CHST13: variants seen among roughly 807,000 people sequenced by gnomAD.
The protein encoded by CHST13 is carbohydrate sulfotransferase 13.
In CHST13, 1 loss-of-function variant was observed where a neutral mutation model predicts 7.0. That is an observed-to-expected ratio of 0.14 (90% CI 0.05 to 0.68). CHST13 has a LOEUF of 0.68. Ranked by LOEUF, CHST13 falls within the 30% of genes least tolerant of loss-of-function variation. CHST13 has a pLI of 0.82. For missense variants in CHST13, 572 were observed against 507.9 expected (o/e 1.13, Z -1.21); for synonymous variants, 257 against 240.9 (o/e 1.07, Z -0.62).
intron 1 of CHST13, among the ~76,000 whole-genome samples, chr3:126,535,149 CCCAGCCGGGAGACAGACAGCA>C (rs1936750282): frequency 6.9e-6 from 1 of 145,982 alleles, no homozygotes. Context: ...CATCCCTGTC[CCCAGCCGGGAGACAGACAGCA>C]TCCCTGTCCC....
In CHST13 at chr3:126,543,206, T is replaced by G. The variant is rs1937010048; in HGVS notation, c.*628T>G. 6.6e-6 allele frequency: 1 copy of G among 152,300 alleles called. No individual in the cohort carries two copies. The highest frequency in any genetic ancestry group is 1.5e-5 in the Non-Finnish European group (1 of 68,066). 9.4% of individuals were successfully genotyped at this position (152,300 alleles called of 1,614,324 possible). On this transcript the variant is annotated 3_prime_UTR_variant, in exon 3 of 3. Transcript: ENST00000319340. ...TCAGGCTCCATGCCAACAGAGCCCC[T>G]GGTGCAATGCGGTCACAGGTTTTAT...
At position 126,542,625 on chromosome 3, in the gene CHST13, A is replaced by G. The variant is rs1936992882; in HGVS notation, c.*47A>G. On this transcript the variant is annotated 3_prime_UTR_variant, in exon 3 of 3. Coordinates refer to ENST00000319340, the MANE Select transcript of CHST13 (RefSeq NM_152889.3). ...CACGCGGGGCAAGTGCCTTTCCGAC[A>G]AGACCCCCGGGGAATGCAGGTGCTG... The G allele has an allele frequency of 7.0e-7, 1 of 1,424,916 alleles. No homozygotes were observed. The highest frequency in any genetic ancestry group is 9.2e-7 in the Non-Finnish European group (1 of 1,089,534). 88.3% of individuals were successfully genotyped at this position (1,424,916 alleles called of 1,614,324 possible). A position where few individuals can be genotyped will look rare whatever the true frequency, so the allele number is the denominator to read the frequency against.
At chr3:126,532,001 T>C (rs1335061323) in intron 1 of CHST13, among the ~76,000 whole-genome samples, 3 of 152,222 alleles carry the variant, frequency 2.0e-5, no homozygotes, top group African/African-American at 7.2e-5. Flanking sequence ...ATGGTGTTGA[T>C]TTCTATTTCA....
Position 126,542,358 on chromosome 3 carries a change from C to T in CHST13, c.806C>T (p.Thr269Met), listed in dbSNP as rs1439510963. Reference sequence around the variant, plus strand: ...TACGACGTCGTGGGCAAGTTCGAGACGCTGGCGGAGGACGCGGCCTTCGTG... The same window carrying T: ...TACGACGTCGTGGGCAAGTTCGAGATGCTGGCGGAGGACGCGGCCTTCGTG... ...LRYDVVGKFE[T>M]LAEDAAFVLG... Residue 269 changes from threonine to methionine, a missense_variant, in exon 3 of 3, where the codon ACG (threonine) becomes ATG (methionine). Transcript: ENST00000319340. 5.7e-6 allele frequency: 9 copies of T among 1,566,130 alleles called. No individual in the cohort carries two copies. Among genetic ancestry groups the T allele is most frequent in the South Asian group, 1.2e-5 (1 of 85,748 alleles).
At chr3:126,532,564 T>C (rs1276358164) in intron 1 of CHST13, among the ~76,000 whole-genome samples, 1 of 152,230 alleles carries the variant, frequency 6.6e-6, no homozygotes, top group Non-Finnish European at 1.5e-5. Flanking sequence ...CCCTCATCAA[T>C]AATCAACTGA....
At chr3:126,533,215 C>G (rs1936694716) in intron 1 of CHST13, among the ~76,000 whole-genome samples, 1 of 152,040 alleles carries the variant, frequency 6.6e-6, no homozygotes, top group South Asian at 2.1e-4. Context: ...AACCTGGATG[C>G]CTTTTATTTA....
At chr3:126,535,004 A>G (rs1259957110) in intron 1 of CHST13, among the ~76,000 whole-genome samples, 1 of 144,230 alleles carries the variant, frequency 6.9e-6, no homozygotes, top group Non-Finnish European at 1.5e-5. Context: ...AGACAGACAG[A>G]CAGCATCCCT....
At chr3:126,527,586 A>G (rs1049421988) in intron 1 of CHST13, 2 of 152,358 alleles carry the variant, frequency 1.3e-5, no homozygotes, top group African/African-American at 4.8e-5. Flanking sequence ...AAGGGCTGGG[A>G]GGCTGTGATT....
At chr3:126,537,556 A>G (rs555704309) in intron 2 of CHST13, among the ~76,000 whole-genome samples, 18 of 152,232 alleles carry the variant, frequency 1.2e-4, no homozygotes, top group African/African-American at 4.1e-4. Context: ...GCAGGTAGGG[A>G]GGCCTTCCTT....
In CHST13 at chr3:126,524,211, T is replaced by C. The variant is rs1936488978; in HGVS notation, c.-122T>C. The C allele has an allele frequency of 2.7e-6, 2 of 737,046 alleles. No homozygotes were observed. Among genetic ancestry groups the C allele is most frequent in the African/African-American group, 1.9e-5 (1 of 53,994 alleles). 45.7% of individuals were successfully genotyped at this position (737,046 alleles called of 1,614,324 possible). Reference sequence around the variant, plus strand: ...CTGGGGTCCAGCTGCCGTGCTCCCCTGCCCTGCGCCGCGCCGCGCGTCTTG... The same window carrying C: ...CTGGGGTCCAGCTGCCGTGCTCCCCCGCCCTGCGCCGCGCCGCGCGTCTTG... On this transcript the variant is annotated 5_prime_UTR_variant, in exon 1 of 3. Transcript: ENST00000319340.
At chr3:126,538,861 A>C (rs1936859059) in intron 2 of CHST13, among the ~76,000 whole-genome samples, 1 of 152,156 alleles carries the variant, frequency 6.6e-6, no homozygotes, top group South Asian at 2.1e-4. Context: ...CTGTTTCTCA[A>C]AATGGTGAGA....
intron 1 of CHST13, among the ~76,000 whole-genome samples, chr3:126,535,084 C>T (rs535747604): frequency 1.4e-5 from 2 of 146,096 alleles, no homozygotes; most frequent in African/African-American, 5.1e-5. Context: ...TCCCTGTCCC[C>T]AGCCGGGAGA....
At chr3:126,537,250 C>T (rs1015669730) in intron 2 of CHST13, among the ~76,000 whole-genome samples, 5 of 152,160 alleles carry the variant, frequency 3.3e-5, no homozygotes, top group African/African-American at 9.7e-5. Flanking sequence ...AAGGGCCAAG[C>T]GCCACAGGCA....
At chr3:126,536,162 A>C in intron 1 of CHST13, 109 bp from the exon 2 acceptor site, 5 of 837,894 alleles carry the variant, frequency 6.0e-6, no homozygotes, top group East Asian at 2.5e-5. Context: ...CCGGGAAGGA[A>C]ATTGAGTGCC....
rs768812040 is a variant in CHST13, at chr3:126,542,011, C to T, written c.459C>T (p.Ala153=). 5.1e-6 allele frequency: 8 copies of T among 1,561,620 alleles called. No individual in the cohort carries two copies. The highest frequency in any genetic ancestry group is 6.0e-6 in the Non-Finnish European group (7 of 1,158,598). ...AHAPGRLPSL[A]DFSPAEINRR... is the part of the protein sequence containing the mutation. ...CGCCTGGCCGCCTGCCCTCACTGGC[C>T]GACTTCAGCCCCGCCGAGATCAACC... The change falls in exon 3 of 3, where the codon GCC becomes GCT. Residue 153 remains alanine (A), a synonymous_variant. Coordinates refer to ENST00000319340, the MANE Select transcript of CHST13 (RefSeq NM_152889.3).
At position 126,524,288 on chromosome 3, in the gene CHST13, C is replaced by T; in HGVS notation, c.-45C>T. Reference sequence around the variant, plus strand: ...TCCTGGGCCAGTGCAACTCCGCCCCCAGCCGTATCCAGCGGACTGTCCTCC... The same window carrying T: ...TCCTGGGCCAGTGCAACTCCGCCCCTAGCCGTATCCAGCGGACTGTCCTCC... On this transcript the variant is annotated 5_prime_UTR_variant, in exon 1 of 3. Transcript: ENST00000319340. 2 of 1,217,898 alleles carry T rather than the reference C, an allele frequency of 1.6e-6. No individual in the cohort carries two copies. Among genetic ancestry groups the T allele is most frequent in the Non-Finnish European group, 2.0e-6 (2 of 977,682 alleles). 75.4% of individuals were successfully genotyped at this position (1,217,898 alleles called of 1,614,324 possible). A position where few individuals can be genotyped will look rare whatever the true frequency, so the allele number is the denominator to read the frequency against.
chr3:126,528,169 G>A (rs997307536), intron 1 of CHST13, among the ~76,000 whole-genome samples: 2 of 151,822 alleles, frequency 1.3e-5, no homozygotes, highest in Admixed American at 6.6e-5. Flanking sequence ...AGAGAGAATG[G>A]TGGGATGGAA....
Position 126,542,727 on chromosome 3 carries a change from T to A in CHST13, c.*149T>A. The A allele has an allele frequency of 8.2e-7, 1 of 1,221,342 alleles. No homozygotes were observed. The highest frequency in any genetic ancestry group is 2.1e-5 in the South Asian group (1 of 46,880). 75.7% of individuals were successfully genotyped at this position (1,221,342 alleles called of 1,614,324 possible). A position where few individuals can be genotyped will look rare whatever the true frequency, so the allele number is the denominator to read the frequency against. On this transcript the variant is annotated 3_prime_UTR_variant, in exon 3 of 3. Transcript: ENST00000319340. ...CGGGCCAGCGGGCGCAGGGCACACC[T>A]GGCCAGGCTTGGGGGCAGCCCATCT...
intron 2 of CHST13, among the ~76,000 whole-genome samples, chr3:126,539,792 CACAGACACCACACCACACACCACAA>C (rs1936898526): frequency 5.3e-5 from 2 of 37,930 alleles, no homozygotes; most frequent in African/African-American, 9.4e-5. Flanking sequence ...CACCACACAC[CACAGACACCACACCACACACCACAA>C]ACACACATAC....
Sources: allele counts gnomAD v4.1 joint callset (sites outside exome capture counted in the v4.1 genomes callset), GRCh38; gene constraint gnomAD v4.1.1; transcripts MANE v1.5; gene names NCBI Gene and HGNC (gene_info 2026-07-23, HGNC 2026-07-21).